EDNRB: variants seen among roughly 807,000 people sequenced by gnomAD.
EDNRB encodes the protein endothelin receptor type B.
A neutral mutation model predicts 46.4 loss-of-function variants in EDNRB; 18 were observed. The observed-to-expected ratio is 0.39, with a 90% confidence interval of 0.27 to 0.57. The LOEUF (loss-of-function observed/expected upper bound fraction) is 0.57, where lower values mean the gene tolerates loss of function less well. Ranked by LOEUF, EDNRB falls within the 20% of genes least tolerant of loss-of-function variation. The pLI is 0.61. For synonymous variants in EDNRB, 213 were observed against 204.9 expected, an observed-to-expected ratio of 1.04 and a Z score of -0.34; for missense variants, 434 against 537.5, an observed-to-expected ratio of 0.81 and a Z score of 1.90.
intron 1 of EDNRB, among the ~76,000 whole-genome samples, chr13:77,957,785 A>G (rs999363804): frequency 1.3e-5 from 2 of 152,224 alleles, no homozygotes; most frequent in African/African-American, 4.8e-5. Flanking sequence ...GAAACCATAT[A>G]TATTTCACAG....
intron 1 of EDNRB, among the ~76,000 whole-genome samples, chr13:77,940,702 T>G (rs1322906529): frequency 3.5e-3 from 8 of 2,278 alleles, no homozygotes; most frequent in South Asian, 0.05. Context: ...ATGAATTGGG[T>G]GTGTGTGTGT....
rs558923783 is a variant in EDNRB, at chr13:77,896,543, C to A, written c.*1657G>T. Reference sequence around the variant, plus strand: ...GAAAACAACATTACTAGCTTATTTCCAACATGTGGCCCAGCCTATTAAAAG... The same window carrying A: ...GAAAACAACATTACTAGCTTATTTCAAACATGTGGCCCAGCCTATTAAAAG... On this transcript the variant is annotated 3_prime_UTR_variant, in exon 7 of 7. Coordinates refer to ENST00000646607, the MANE Select transcript of EDNRB (RefSeq NM_001122659.3). 1.3e-6 allele frequency: 2 copies of A among 1,562,756 alleles called. No homozygotes were observed. Among genetic ancestry groups the A allele is most frequent in the African/African-American group, 1.4e-5 (1 of 73,984 alleles).
chr13:77,904,194 A>C (rs570999982), intron 1 of EDNRB, among the ~76,000 whole-genome samples: 1 of 151,598 alleles, frequency 6.6e-6, no homozygotes, highest in Non-Finnish European at 1.5e-5. Context: ...CTTATCCTAG[A>C]AGGCTCTTTC....
At chr13:77,940,403 G>A (rs935425265) in intron 1 of EDNRB, among the ~76,000 whole-genome samples, 3 of 152,012 alleles carry the variant, frequency 2.0e-5, no homozygotes, top group Non-Finnish European at 4.4e-5. Context: ...AGGTAAAAAT[G>A]GAGATAGGGG....
chr13:77,900,722 AACG>A, intron 4 of EDNRB, 68 bp from the exon 5 acceptor site: 1 of 1,599,066 alleles, frequency 6.3e-7, no homozygotes, highest in Non-Finnish European at 8.5e-7. Context: ...TATCTTCTAA[AACG>A]ACATTTAATA....
intron 1 of EDNRB, among the ~76,000 whole-genome samples, chr13:77,966,025 T>G (rs945279418): frequency 1.2e-4 from 18 of 152,116 alleles, no homozygotes; most frequent in African/African-American, 4.3e-4. Flanking sequence ...TGCAGGTGTG[T>G]GTCACCATGC....
chr13:77,950,564 AT>A (rs1881062966), intron 1 of EDNRB, among the ~76,000 whole-genome samples: 1 of 152,204 alleles, frequency 6.6e-6, no homozygotes, highest in Non-Finnish European at 1.5e-5. Flanking sequence ...ATCACCTAGT[AT>A]GTCTAGCTCT....
chr13:77,940,461 C>A (rs1045229232), intron 1 of EDNRB, among the ~76,000 whole-genome samples: 20 of 152,036 alleles, frequency 1.3e-4, no homozygotes, highest in African/African-American at 4.8e-4. Flanking sequence ...ATACATAAAA[C>A]CCTCTCATCT....
intron 1 of EDNRB, among the ~76,000 whole-genome samples, chr13:77,944,644 A>G (rs907332870): frequency 2.6e-5 from 4 of 152,168 alleles, no homozygotes; most frequent in African/African-American, 9.7e-5. Flanking sequence ...AAACTCTCAC[A>G]TAGAGTTAGG....
chr13:77,960,800 C>T (rs549451399), intron 1 of EDNRB, among the ~76,000 whole-genome samples: 103 of 148,200 alleles, frequency 7.0e-4, no homozygotes, highest in African/African-American at 2.4e-3. Flanking sequence ...ACCCATCTCA[C>T]GTGCAGAGAC....
chr13:77,966,245 G>T (rs1229562299), intron 1 of EDNRB, among the ~76,000 whole-genome samples: 3 of 152,064 alleles, frequency 2.0e-5, no homozygotes, highest in Non-Finnish European at 4.4e-5. Context: ...GGAAGCAAGG[G>T]TCATACACTT....
At chr13:77,964,303 T>C (rs143008661) in intron 1 of EDNRB, among the ~76,000 whole-genome samples, 2,181 of 152,316 alleles carry the variant, frequency 0.014, 46 homozygotes, top group East Asian at 0.024. Flanking sequence ...ATCATGCTGC[T>C]ATAAAGACAC....
intron 1 of EDNRB, among the ~76,000 whole-genome samples, chr13:77,906,433 G>C (rs187251877): frequency 1.1e-4 from 16 of 152,106 alleles, no homozygotes; most frequent in Admixed American, 7.9e-4. Context: ...AATGTGGATT[G>C]GACTTAGTGA....
chr13:77,965,987 C>T (rs1355415174), intron 1 of EDNRB, among the ~76,000 whole-genome samples: 1 of 152,180 alleles, frequency 6.6e-6, no homozygotes, highest in East Asian at 1.9e-4. Context: ...AGCAATCCTT[C>T]CACCTCAGCC....
chr13:77,930,834 C>A (rs964581033), intron 1 of EDNRB, among the ~76,000 whole-genome samples: 1 of 152,140 alleles, frequency 6.6e-6, no homozygotes, highest in Non-Finnish European at 1.5e-5. Context: ...GAAGTTTGGT[C>A]TTTGAGGAGT....
At chr13:77,938,405 G>T (rs534896874) in intron 1 of EDNRB, among the ~76,000 whole-genome samples, 1 of 151,690 alleles carries the variant, frequency 6.6e-6, no homozygotes, top group Non-Finnish European at 1.5e-5. Context: ...GCAGAGAAGG[G>T]GTAGAGACAC....
chr13:77,921,279 G>A (rs551542408), upstream of EDNRB, among the ~76,000 whole-genome samples: 3 of 152,122 alleles, frequency 2.0e-5, no homozygotes, highest in African/African-American at 7.2e-5. Context: ...TTATTAACTG[G>A]TCATTGGGCT....
chr13:77,919,743 C>T (rs1197840461), upstream of EDNRB: 21 of 860,966 alleles, frequency 2.4e-5, no homozygotes, highest in Non-Finnish European at 3.5e-6. Context: ...AGTCCTCGTC[C>T]GGGGACAGGT....
At chr13:77,933,904 G>A (rs1449402308) in intron 1 of EDNRB, among the ~76,000 whole-genome samples, 1 of 152,172 alleles carries the variant, frequency 6.6e-6, no homozygotes, top group Non-Finnish European at 1.5e-5. Flanking sequence ...TGTATGAATT[G>A]AAAAACTAAA....
Sources: allele counts gnomAD v4.1 joint callset (sites outside exome capture counted in the v4.1 genomes callset), GRCh38; gene constraint gnomAD v4.1.1; transcripts MANE v1.5; gene names NCBI Gene and HGNC (gene_info 2026-07-23, HGNC 2026-07-21).